Variants in OR51B5 observed in about 807,000 individuals in gnomAD.
OR51B5 encodes the protein olfactory receptor family 51 subfamily B member 5, also known as olfactory receptor 51B5.
For synonymous variants in OR51B5, 186 were observed against 144.8 expected, an observed-to-expected ratio of 1.28 and a Z score of -2.04; for missense variants, 456 against 374.6, an observed-to-expected ratio of 1.22 and a Z score of -1.79.
chr11:5,473,834 T>A (rs1184669468), intron 1 of OR51B5, among the ~76,000 whole-genome samples: 1 of 147,920 alleles, frequency 6.8e-6, no homozygotes, highest in Non-Finnish European at 1.5e-5. Flanking sequence ...AAAAATTTAA[T>A]TGTTTTAAAT....
At chr11:5,440,772 C>T (rs568365466) in intron 1 of OR51B5, 1 of 1,613,828 alleles carries the variant, frequency 6.2e-7, no homozygotes, top group African/African-American at 1.3e-5. Context: ...CAGCACTGCA[C>T]AGATGTGTGA....
intron 1 of OR51B5, among the ~76,000 whole-genome samples, chr11:5,415,166 T>C (rs540450760): frequency 6.6e-5 from 10 of 152,226 alleles, no homozygotes; most frequent in Non-Finnish European, 1.3e-4. Flanking sequence ...AACCTGCTCC[T>C]GAATGACTAC....
intron 1 of OR51B5, chr11:5,441,329 G>A: frequency 1.2e-6 from 2 of 1,613,898 alleles, no homozygotes; most frequent in Non-Finnish European, 1.7e-6. Context: ...AGAGGAAGTA[G>A]TACATGGGCT....
intron 1 of OR51B5, among the ~76,000 whole-genome samples, chr11:5,408,023 A>G (rs1191615724): frequency 2.0e-5 from 3 of 152,150 alleles, no homozygotes; most frequent in Admixed American, 6.5e-5. Flanking sequence ...CCCCAAAAAC[A>G]TATTTTCACA....
intron 1 of OR51B5, among the ~76,000 whole-genome samples, chr11:5,410,864 T>A (rs1027178102): frequency 2.0e-5 from 3 of 152,176 alleles, no homozygotes; most frequent in African/African-American, 7.2e-5. Flanking sequence ...ACATAAATTT[T>A]AAAAATAAAA....
chr11:5,353,428 C>T (rs1849134488), intron 1 of OR51B5, among the ~76,000 whole-genome samples: 1 of 151,958 alleles, frequency 6.6e-6, no homozygotes, highest in African/African-American at 2.4e-5. Context: ...GGGTGTCTGG[C>T]ATGTGCAAAA....
chr11:5,343,297 C>T (rs1279165235), exon 1 of OR51B5: 3 of 1,611,462 alleles, frequency 1.9e-6, no homozygotes, highest in African/African-American at 2.7e-5. Context: ...GCACCGTGGG[C>T]ATTGTGGTCA....
chr11:5,397,437 G>A (rs996217199), intron 1 of OR51B5, among the ~76,000 whole-genome samples: 4 of 151,754 alleles, frequency 2.6e-5, no homozygotes, highest in Non-Finnish European at 4.4e-5. Flanking sequence ...GCAGCCAAAA[G>A]ACACATGAAA....
intron 1 of OR51B5, chr11:5,453,444 A>G (rs745490584): frequency 1.0e-5 from 14 of 1,403,156 alleles, no homozygotes; most frequent in Non-Finnish European, 1.3e-5. Context: ...GAATTCTCCA[A>G]GTCAGAAGAT....
intron 1 of OR51B5, among the ~76,000 whole-genome samples, chr11:5,501,429 TTC>T (rs1846290987): frequency 6.8e-6 from 1 of 148,076 alleles, no homozygotes; most frequent in Non-Finnish European, 1.5e-5. Flanking sequence ...AAAAGTTACC[TTC>T]TTATTATACT....
At chr11:5,468,542 T>C in intron 1 of OR51B5, 1 of 393,606 alleles carries the variant, frequency 2.5e-6, no homozygotes, top group South Asian at 1.9e-5. Context: ...TCCTTAGTCT[T>C]GATGGAATAG....
chr11:5,397,377 A>G (rs1849892863), intron 1 of OR51B5, among the ~76,000 whole-genome samples: 1 of 152,194 alleles, frequency 6.6e-6, no homozygotes. Flanking sequence ...AACCCCATCA[A>G]AAAGTGGGCA....
chr11:5,379,557 A>C (rs1849579352), intron 1 of OR51B5, among the ~76,000 whole-genome samples: 2 of 152,060 alleles, frequency 1.3e-5, no homozygotes, highest in African/African-American at 4.8e-5. Context: ...TCTTGTATGC[A>C]ATGTGTCTTT....
intron 1 of OR51B5, among the ~76,000 whole-genome samples, chr11:5,384,781 A>G (rs1849660043): frequency 6.6e-6 from 1 of 152,196 alleles, no homozygotes; most frequent in Non-Finnish European, 1.5e-5. Context: ...TTTAATCCAA[A>G]CAACACCTTG....
chr11:5,340,520 GTTC>G (rs755555537), downstream of OR51B5: 65 of 151,176 alleles, frequency 4.3e-4, 1 homozygote, highest in Admixed American at 1.3e-3. Context: ...TTTTAAAAAA[GTTC>G]TTCTACTGCG....
chr11:5,356,414 G>C (rs567072250), intron 1 of OR51B5, among the ~76,000 whole-genome samples: 12 of 151,328 alleles, frequency 7.9e-5, no homozygotes, highest in African/African-American at 2.7e-4. Context: ...AGCAAGAAGA[G>C]AAGTTTAGAG....
At chr11:5,471,952 A>G (rs1424337551) in intron 1 of OR51B5, among the ~76,000 whole-genome samples, 1 of 152,170 alleles carries the variant, frequency 6.6e-6, no homozygotes, top group Non-Finnish European at 1.5e-5. Context: ...AGGGACATTG[A>G]GGGGCTGAAA....
chr11:5,480,490 C>T (rs1266038081), intron 1 of OR51B5, among the ~76,000 whole-genome samples: 2 of 148,830 alleles, frequency 1.3e-5, no homozygotes, highest in African/African-American at 4.9e-5. Flanking sequence ...TAGCAGAAGG[C>T]AAGAAATAAC....
chr11:5,477,961 C>A (rs899141474), intron 1 of OR51B5, among the ~76,000 whole-genome samples: 6 of 151,854 alleles, frequency 4.0e-5, no homozygotes, highest in Non-Finnish European at 8.8e-5. Context: ...CCCAGGCTTG[C>A]TTAGGTAAAC....
Sources: gnomAD v4.1 joint callset for allele counts (sites outside exome capture counted in the v4.1 genomes callset) on GRCh38, gnomAD v4.1.1 for gene constraint, MANE v1.5 for transcripts, NCBI Gene and HGNC (gene_info 2026-07-23, HGNC 2026-07-21) for gene names.